Variants in MAML3 observed in about 807,000 individuals in gnomAD.
The protein encoded by MAML3 is mastermind-like protein 3.
Under a neutral mutation model 101.9 loss-of-function variants are expected in MAML3, and 27 were observed. That is an observed-to-expected ratio of 0.27 (90% confidence interval 0.20 to 0.37). The LOEUF (loss-of-function observed/expected upper bound fraction) is 0.37. Among genes scored for constraint, MAML3 ranks in the 10% least tolerant of loss-of-function variants. The pLI, the probability that MAML3 is intolerant of heterozygous loss-of-function variation, is 1.00. For synonymous variants in MAML3, 501 were observed against 555.9 expected (o/e 0.90, Z 1.39); for missense variants, 1,316 against 1,444.9 (o/e 0.91, Z 1.45).
At chr4:139,926,805 A>G (rs1308512354) in intron 1 of MAML3, among the ~76,000 whole-genome samples, 1 of 152,190 alleles carries the variant, frequency 6.6e-6, no homozygotes, top group Non-Finnish European at 1.5e-5. Flanking sequence ...ATCCTCATAC[A>G]ATACTATTAA....
At chr4:139,798,034 G>GAGAGAGAAAGAA (rs1308897622) in intron 2 of MAML3, among the ~76,000 whole-genome samples, 2 of 124,472 alleles carry the variant, frequency 1.6e-5, no homozygotes, top group Admixed American at 9.0e-5. Flanking sequence ...AGGAGAGAGA[G>GAGAGAGAAAGAA]AGAAAGAAAG....
intron 1 of MAML3, among the ~76,000 whole-genome samples, chr4:139,914,623 G>A (rs1732995143): frequency 6.6e-6 from 1 of 152,162 alleles, no homozygotes; most frequent in South Asian, 2.1e-4. Context: ...ACAGCAACAT[G>A]CCTAACCCAG....
intron 1 of MAML3, among the ~76,000 whole-genome samples, chr4:139,963,468 T>C (rs1734063198): frequency 6.6e-6 from 1 of 152,160 alleles, no homozygotes; most frequent in East Asian, 1.9e-4. Context: ...TGGCCAGAAG[T>C]AGAACCATGG....
At position 139,883,875 on chromosome 4, in the gene MAML3, A is replaced by T. The variant is rs13142892; in HGVS notation, c.2079+5482T>A. On this transcript the variant is annotated intron_variant, in intron 2 of 4. Transcript: ENST00000509479. Reference sequence around the variant, plus strand: ...AGGTTCTTAAAGTTTTTTTTTTTTTAAATAATTGCTTGTCTTTTTTTTTTT... The same window carrying T: ...AGGTTCTTAAAGTTTTTTTTTTTTTTAATAATTGCTTGTCTTTTTTTTTTT... 2.7e-3 allele frequency among the ~76,000 whole-genome samples: 383 copies of T among 140,396 alleles called. 1 individual carries two copies. The highest frequency in any genetic ancestry group is 4.8e-3 in the Non-Finnish European group (307 of 63,690). 92.1% of individuals were successfully genotyped at this position (140,396 alleles called of 152,430 possible).
chr4:139,904,906 C>A lies in MAML3; in HGVS notation c.469-13939G>T, dbSNP rs375099868. Among the ~76,000 whole-genome samples the A allele has an allele frequency of 2.0e-5, 3 of 152,128 alleles. No homozygotes were observed. The East Asian group carries it at 5.8e-4, about 29-fold the overall frequency. ...TTGTGTATCTAACCATATCTAAACA[C>A]AGAAAAGGTACAGTAAAAACATGAA... On this transcript the variant is annotated intron_variant, in intron 1 of 4. Coordinates refer to ENST00000509479, the MANE Select transcript of MAML3 (RefSeq NM_018717.5).
intron 1 of MAML3, among the ~76,000 whole-genome samples, chr4:140,032,235 C>T (rs1220012221): frequency 6.6e-6 from 1 of 152,174 alleles, no homozygotes; most frequent in Non-Finnish European, 1.5e-5. Flanking sequence ...CACTCATTTT[C>T]AAAGACAAGG....
At chr4:139,880,346 A>T (rs1400088532) in intron 2 of MAML3, among the ~76,000 whole-genome samples, 1 of 152,024 alleles carries the variant, frequency 6.6e-6, no homozygotes, top group Non-Finnish European at 1.5e-5. Flanking sequence ...TATTTTACCC[A>T]TCAGCAGGGG....
intron 1 of MAML3, among the ~76,000 whole-genome samples, chr4:140,032,412 T>C (rs879200455): frequency 6.6e-6 from 1 of 152,224 alleles, no homozygotes; most frequent in Non-Finnish European, 1.5e-5. Context: ...GAATGAAAAC[T>C]TCAGACTTGA....
chr4:139,898,317 T>C (rs563259981), intron 1 of MAML3, among the ~76,000 whole-genome samples: 1 of 152,338 alleles, frequency 6.6e-6, no homozygotes, highest in Admixed American at 6.5e-5. Context: ...CTTAATATTT[T>C]TGAGGACTCT....
chr4:139,816,615 T>C (rs1322754043), intron 2 of MAML3, among the ~76,000 whole-genome samples: 1 of 152,086 alleles, frequency 6.6e-6, no homozygotes, highest in Non-Finnish European at 1.5e-5. Context: ...CAGCCCTGTC[T>C]CCCTGAGAAG....
intron 2 of MAML3, among the ~76,000 whole-genome samples, chr4:139,801,149 G>A (rs1349369535): frequency 6.6e-6 from 1 of 152,222 alleles, no homozygotes; most frequent in Admixed American, 6.5e-5. Flanking sequence ...GCCACTTTTA[G>A]CACAGGGCTG....
intron 2 of MAML3, among the ~76,000 whole-genome samples, chr4:139,732,111 A>G (rs1308750462): frequency 6.6e-6 from 1 of 152,266 alleles, no homozygotes; most frequent in African/African-American, 2.4e-5. Flanking sequence ...AATAGCAAGA[A>G]GCAAATGTGA....
intron 2 of MAML3, among the ~76,000 whole-genome samples, chr4:139,739,881 G>C (rs11728144): frequency 0.41 from 61,717 of 151,744 alleles, 13,557 homozygotes; most frequent in South Asian, 0.57. Context: ...TTAAGAATAA[G>C]GCTAAACTAT....
intron 1 of MAML3, among the ~76,000 whole-genome samples, chr4:140,037,828 G>C (rs75148123): frequency 0.028 from 4,332 of 152,276 alleles, 179 homozygotes; most frequent in African/African-American, 0.097. Flanking sequence ...CAGGCACCCT[G>C]ATTAGACATA....
At chr4:139,799,568 C>T (rs1208131967) in intron 2 of MAML3, among the ~76,000 whole-genome samples, 1 of 152,140 alleles carries the variant, frequency 6.6e-6, no homozygotes, top group Non-Finnish European at 1.5e-5. Flanking sequence ...TCTTTCTGTC[C>T]TCATAAGACA....
intron 2 of MAML3, among the ~76,000 whole-genome samples, chr4:139,880,610 G>C (rs536262945): frequency 6.6e-6 from 1 of 152,294 alleles, no homozygotes; most frequent in East Asian, 1.9e-4. Flanking sequence ...ATAGCATGAT[G>C]ATCATGTTGA....
intron 1 of MAML3, among the ~76,000 whole-genome samples, chr4:140,084,989 T>C (rs1178764629): frequency 6.6e-6 from 1 of 152,180 alleles, no homozygotes; most frequent in Non-Finnish European, 1.5e-5. Flanking sequence ...ATAGTCCTTG[T>C]TGTGGCTGCT....
intron 2 of MAML3, 105 bp from the exon 3 acceptor site, chr4:139,730,772 ATGGAC>A (rs1037595044): frequency 4.6e-6 from 5 of 1,077,930 alleles, no homozygotes; most frequent in Non-Finnish European, 6.7e-6. Context: ...GTCCCAGCTT[ATGGAC>A]TGGAGGGTTT....
chr4:139,932,553 G>A (rs1182816550), intron 1 of MAML3, among the ~76,000 whole-genome samples: 2 of 152,112 alleles, frequency 1.3e-5, no homozygotes, highest in African/African-American at 4.8e-5. Context: ...CTTGTTAAGA[G>A]TTTTAAATGC....
Sources: gnomAD v4.1 joint callset for allele counts (sites outside exome capture counted in the v4.1 genomes callset) on GRCh38, gnomAD v4.1.1 for gene constraint, MANE v1.5 for transcripts, NCBI Gene and HGNC (gene_info 2026-07-23, HGNC 2026-07-21) for gene names.